Variants in HYAL4 observed in about 807,000 individuals in gnomAD.
The protein encoded by HYAL4 is hyaluronidase 4.
In HYAL4, 37 loss-of-function variants were observed where a neutral mutation model predicts 35.2. The observed-to-expected ratio is 1.05, with a 90% CI of 0.81 to 1.38. The LOEUF (loss-of-function observed/expected upper bound fraction) is 1.38, where lower values mean the gene tolerates loss of function less well. Among genes scored for constraint, HYAL4 ranks in the 40% most tolerant of loss-of-function variants. HYAL4 has a pLI of 0.00. For synonymous variants in HYAL4, 198 were observed against 203.2 expected (o/e 0.97, Z 0.22); for missense variants, 572 against 572.4 (o/e 1.00, Z 0.01).
At chr7:123,769,681 A>C in the HYAL4 span, among the ~76,000 whole-genome samples, 1 of 152,168 alleles carries the variant, frequency 6.6e-6, no homozygotes, top group African/African-American at 2.4e-5. Flanking sequence ...GATGCATCAC[A>C]GTGTCCACTA....
At chr7:123,769,473 G>A in the HYAL4 span, among the ~76,000 whole-genome samples, 17 of 152,138 alleles carry the variant, frequency 1.1e-4, no homozygotes, top group Non-Finnish European at 2.1e-4. Flanking sequence ...AAACCTCTGG[G>A]GTTAGAATGG....
At chr7:123,837,916 CGTT>C (rs1805992257) in intron 1 of HYAL4, among the ~76,000 whole-genome samples, 1 of 151,990 alleles carries the variant, frequency 6.6e-6, no homozygotes, top group Admixed American at 6.6e-5. Flanking sequence ...TCCAGTCTAT[CGTT>C]GTTGGACATT....
intron 3 of HYAL4, 150 bp from the exon 4 acceptor site, chr7:123,874,611 T>C (rs1340574232): frequency 3.6e-6 from 2 of 549,580 alleles, no homozygotes; most frequent in African/African-American, 3.8e-5. Context: ...TTCACTGTGT[T>C]GACCAGGCTG....
At chr7:123,827,263 T>G (rs192422756), upstream of HYAL4, among the ~76,000 whole-genome samples, 2 of 151,842 alleles carry the variant, frequency 1.3e-5, no homozygotes, top group East Asian at 3.9e-4. Context: ...TCTAGTGAGG[T>G]TGGGGATAAA....
intron 1 of HYAL4, among the ~76,000 whole-genome samples, chr7:123,846,511 C>T (rs1213589421): frequency 6.6e-6 from 1 of 152,018 alleles, no homozygotes; most frequent in Admixed American, 6.6e-5. Context: ...TCAAACAGCA[C>T]CGAGTCTGTT....
In HYAL4 at chr7:123,869,422, ATTCTC is replaced by A. The variant is rs1214776736; in HGVS notation, c.954+198_954+202del. On this transcript the variant is annotated intron_variant, in intron 3 of 4. Coordinates refer to ENST00000223026, the MANE Select transcript of HYAL4 (RefSeq NM_012269.3). ...AATTTTGATTATCTTACTCATTATT[ATTCTC>A]TTAAGGAACAAAGTAAGGTGAGAAA... Among the ~76,000 whole-genome samples the A allele has an allele frequency of 4.6e-5, 7 of 152,262 alleles. No homozygotes were observed. The East Asian group carries it at 5.8e-4, about 13-fold the overall frequency.
chr7:123,819,137 T>A, the HYAL4 span, among the ~76,000 whole-genome samples: 1 of 152,190 alleles, frequency 6.6e-6, no homozygotes, highest in Non-Finnish European at 1.5e-5. Flanking sequence ...TTCTACTATC[T>A]ACTTCCATGA....
intron 2 of HYAL4, among the ~76,000 whole-genome samples, chr7:123,855,051 T>G (rs36927): frequency 0.52 from 78,931 of 151,762 alleles, 21,354 homozygotes; most frequent in Non-Finnish European, 0.59. Flanking sequence ...AACCCCTGCC[T>G]TTTTTGCTTA....
rs1336544516 is a variant in HYAL4 at position 123,876,122 on chromosome 7, A to G, written c.1045-632A>G. The G allele has an allele frequency of 8.9e-6, 4 of 449,924 alleles. No homozygotes were observed. The Admixed American group carries it at 9.8e-5, about 11-fold the overall frequency. The allele number at this position is 449,924 out of a possible 1,614,324, so 27.9% of individuals were successfully genotyped here. On this transcript the variant is annotated intron_variant, in intron 4 of 4. Coordinates refer to ENST00000223026, the MANE Select transcript of HYAL4 (RefSeq NM_012269.3). The stretch of plus-strand genomic sequence containing the variant: ...GTGGCCTCTGTTTAGAACACGTAAT[A>G]GGAACCATATACACAAAAGTTACTT...
the HYAL4 span, among the ~76,000 whole-genome samples, chr7:123,807,723 G>T: frequency 2.0e-5 from 3 of 149,588 alleles, no homozygotes; most frequent in South Asian, 6.3e-4. Flanking sequence ...CTCTCAAGGT[G>T]CCTGGCCTAT....
chr7:123,794,875 T>C, the HYAL4 span, among the ~76,000 whole-genome samples: 1 of 152,186 alleles, frequency 6.6e-6, no homozygotes, highest in African/African-American at 2.4e-5. Flanking sequence ...GCCACTGTCC[T>C]CCTGACCCCA....
the HYAL4 span, among the ~76,000 whole-genome samples, chr7:123,790,213 AG>A: frequency 1.3e-5 from 2 of 152,202 alleles, no homozygotes; most frequent in African/African-American, 4.8e-5. Flanking sequence ...TAATGAAAAC[AG>A]GGGAAACAGT....
At chr7:123,797,828 C>T in the HYAL4 span, among the ~76,000 whole-genome samples, 1 of 152,210 alleles carries the variant, frequency 6.6e-6, no homozygotes, top group African/African-American at 2.4e-5. Context: ...CAAAGTCATG[C>T]ACTTTCTCTT....
At chr7:123,809,963 A>C in the HYAL4 span, among the ~76,000 whole-genome samples, 1 of 152,224 alleles carries the variant, frequency 6.6e-6, no homozygotes, top group Admixed American at 6.5e-5. Flanking sequence ...ACAGATCCTT[A>C]GTCTCAACAA....
chr7:123,808,420 T>A, the HYAL4 span, among the ~76,000 whole-genome samples: 1 of 31,646 alleles, frequency 3.2e-5, no homozygotes. Flanking sequence ...TATCATCACG[T>A]GTGTGTGTGT....
the HYAL4 span, among the ~76,000 whole-genome samples, chr7:123,811,860 G>T: frequency 6.6e-6 from 1 of 151,656 alleles, no homozygotes; most frequent in Admixed American, 6.6e-5. Context: ...GTTGTTGTCG[G>T]AGAGGGAGTC....
chr7:123,830,653 T>G (rs1341090425), intron 1 of HYAL4, among the ~76,000 whole-genome samples: 1 of 152,228 alleles, frequency 6.6e-6, no homozygotes, highest in Non-Finnish European at 1.5e-5. Context: ...GGAATTTATG[T>G]ATTCATTTCA....
At chr7:123,830,925 CTT>C (rs1368654523) in intron 1 of HYAL4, among the ~76,000 whole-genome samples, 1 of 151,970 alleles carries the variant, frequency 6.6e-6, no homozygotes, top group Non-Finnish European at 1.5e-5. Flanking sequence ...ATTTCTAAGT[CTT>C]TGTCTTTTTT....
the HYAL4 span, among the ~76,000 whole-genome samples, chr7:123,770,176 C>T: frequency 6.3e-3 from 957 of 151,940 alleles, 9 homozygotes; most frequent in African/African-American, 0.021. Context: ...AAATCATAAC[C>T]ATAAGTGGGC....
Sources: gnomAD v4.1 joint callset for allele counts (sites outside exome capture counted in the v4.1 genomes callset) on GRCh38, gnomAD v4.1.1 for gene constraint, MANE v1.5 for transcripts, NCBI Gene and HGNC (gene_info 2026-07-23, HGNC 2026-07-21) for gene names.